Variants in NOTCH3 observed in about 807,000 individuals in gnomAD.
The protein encoded by NOTCH3 is notch receptor 3, also known as neurogenic locus notch homolog protein 3.
NOTCH3 carries 86 observed loss-of-function variants against 213.3 expected under a neutral mutation model. The ratio of observed to expected loss-of-function variants is 0.40; its 90% CI spans 0.34 to 0.48. The LOEUF is 0.48. NOTCH3 is among the 20% of genes least tolerant of loss of function. The pLI is 0.57. For missense variants in NOTCH3, 2,783 were observed against 3,272.6 expected (o/e 0.85, Z 3.65); for synonymous variants, 1,354 against 1,355.9 (o/e 1.00, Z 0.03).
chr19:15,169,205 TC>T (rs1180254702), intron 28 of NOTCH3, among the ~76,000 whole-genome samples: 13 of 10,530 alleles, frequency 1.2e-3, no homozygotes, highest in Non-Finnish European at 0.01. Flanking sequence ...TCTCTCTCTC[TC>T]TCTCTCTCTC....
intron 28 of NOTCH3, 152 bp from the exon 29 acceptor site, chr19:15,167,563 T>TTTGA: frequency 1.7e-6 from 1 of 600,204 alleles, no homozygotes; most frequent in Non-Finnish European, 2.6e-6. Context: ...TGGTGTTTTA[T>TTTGA]TTGTTTTTGA....
chr19:15,195,453 C>G (rs2046962079), intron 2 of NOTCH3, among the ~76,000 whole-genome samples: 1 of 151,528 alleles, frequency 6.6e-6, no homozygotes, highest in Non-Finnish European at 1.5e-5. Flanking sequence ...CGCTGCCAAC[C>G]CTCACCCCCC....
Position 15,178,117 on chromosome 19 carries a change from G to A in NOTCH3, c.3838-27C>T, listed in dbSNP as rs549483448. 275 of 1,172,306 alleles carry A rather than the reference G, an allele frequency of 2.3e-4. 1 individual carries two copies. The Middle Eastern group carries it at 3.7e-3, about 16-fold the overall frequency. The allele number at this position is 1,172,306 out of a possible 1,614,324, so 72.6% of individuals were successfully genotyped here. ...TGGGGGTCGGGTTTGGGGAGGGAGG[G>A]ATAAAAATGAGGGTGGGGAGTGGAG... is the stretch of plus-strand genomic sequence containing the variant. On this transcript the variant is annotated intron_variant, in intron 23 of 32. Transcript: ENST00000263388.
rs71333358 is a variant in NOTCH3, at chr19:15,193,770, C to CAAAA, written c.198-1255_198-1252dup. Reference sequence around the variant, plus strand: ...TGGTTGACAGAGGGAGACTCCATCTCAAAAAAAAACAAAAAACAAAAAAAA... The same window carrying CAAAA: ...TGGTTGACAGAGGGAGACTCCATCTCAAAAAAAAAAAAACAAAAAACAAAAAAAA... On this transcript the variant is annotated intron_variant, in intron 2 of 32. Transcript: ENST00000263388. Among the ~76,000 whole-genome samples, 42 of 27,600 alleles carry CAAAA rather than the reference C, an allele frequency of 1.5e-3. 2 individuals carry two copies. The highest frequency in any genetic ancestry group is 7.2e-3 in the East Asian group (7 of 976). The allele number at this position is 27,600 out of a possible 152,430, so 18.1% of individuals were successfully genotyped here.
At chr19:15,193,236 T>G (rs2046943846) in intron 2 of NOTCH3, among the ~76,000 whole-genome samples, 1 of 151,650 alleles carries the variant, frequency 6.6e-6, no homozygotes, top group African/African-American at 2.4e-5. Context: ...TCTTTGCAGA[T>G]GTAATTTTTT....
intron 23 of NOTCH3, 29 bp from the exon 24 acceptor site, chr19:15,178,119 TA>T: frequency 7.0e-7 from 1 of 1,425,956 alleles, no homozygotes. Context: ...GAGGGAGGGA[TA>T]AAAATGAGGG....
Position 15,192,243 on chromosome 19 carries a change from G to A in NOTCH3, c.396C>T (p.Ala132=), listed in dbSNP as rs2046934793. 1 of 1,602,626 alleles carries A rather than the reference G, an allele frequency of 6.2e-7. No individual in the cohort carries two copies. The highest frequency in any genetic ancestry group is 8.5e-7 in the Non-Finnish European group (1 of 1,175,196). ...PCLSSPCAHG[A]RCSVGPDGRF... ...GTCCATCGGGCCCCACTGAGCAGCG[G>A]GCACCGTGGGCACAAGGGCTGCTGA... is the stretch of plus-strand genomic sequence containing the variant. The change falls in exon 4 of 33, where the codon GCC becomes GCT. Residue 132 remains alanine, a synonymous_variant. Coordinates refer to ENST00000263388, the MANE Select transcript of NOTCH3 (RefSeq NM_000435.3).
chr19:15,192,446 C>T lies in NOTCH3; in HGVS notation c.271G>A (p.Gly91Ser), dbSNP rs746148651. 4 of 1,612,492 alleles carry T rather than the reference C, an allele frequency of 2.5e-6. No individual in the cohort carries two copies. Among genetic ancestry groups the T allele is most frequent in the Non-Finnish European group, 3.4e-6 (4 of 1,179,900 alleles). ...PCHSGPCAGRGVCQSSVVAGT... is the reference protein window; with the variant it reads ...PCHSGPCAGRSVCQSSVVAGT... ...GCCACCACTGAACTCTGGCAGACAC[C>T]ACGGCCAGCACAGGGGCCTGAGTGA... Residue 91 changes from glycine to serine, a missense_variant, in exon 3 of 33, where the codon GGT (glycine) becomes AGT (serine). Physicochemically the swap from Gly to Ser is moderately conservative, Grantham distance 56. Coordinates refer to ENST00000263388, the MANE Select transcript of NOTCH3 (RefSeq NM_000435.3).
intron 3 of NOTCH3, 31 bp from the exon 4 acceptor site, chr19:15,192,329 A>G (rs1373589013): frequency 1.9e-6 from 3 of 1,612,134 alleles, no homozygotes; most frequent in Non-Finnish European, 2.5e-6. Context: ...TGAGTTTAGG[A>G]CTGACCACAC....
At position 15,173,748 on chromosome 19, in the gene NOTCH3, AAGAAGGAGAAGGAGAAGG is replaced by A. The variant is rs1193187942; in HGVS notation, c.4736+302_4736+319del. ...TCAAAAAAAAAAAAAAAAAGAAAAG[AAGAAGGAGAAGGAGAAGG>A]AGAAGGAGAAGGAGAAGGAGAAGAA... On this transcript the variant is annotated intron_variant, in intron 25 of 32. Coordinates refer to ENST00000263388, the MANE Select transcript of NOTCH3 (RefSeq NM_000435.3). 1.3e-3 allele frequency among the ~76,000 whole-genome samples: 7 copies of A among 5,512 alleles called. No homozygotes were observed. In the African/African-American group the frequency reaches 0.015, roughly 12 times the overall value. The allele number at this position is 5,512 out of a possible 152,430, so 3.6% of individuals were successfully genotyped here.
chr19:15,185,827 C>T lies in NOTCH3; in HGVS notation c.1952-148G>A, dbSNP rs1032136330. Reference sequence around the variant, plus strand: ...CAGCTCTTGTGCAGATTAGGACACCCGCCTCCTCAACCAAGAGCTGACTTG... The same window carrying T: ...CAGCTCTTGTGCAGATTAGGACACCTGCCTCCTCAACCAAGAGCTGACTTG... On this transcript the variant is annotated intron_variant, in intron 12 of 32. Transcript: ENST00000263388. The surrounding 1 kb of genome is among the most constrained non-coding windows in gnomAD (Gnocchi z 4.2). 2.2e-5 allele frequency: 17 copies of T among 771,806 alleles called. No homozygotes were observed. Among genetic ancestry groups the T allele is most frequent in the Non-Finnish European group, 3.5e-5 (16 of 453,412 alleles). The allele number at this position is 771,806 out of a possible 1,614,324, so 47.8% of individuals were successfully genotyped here.
intron 28 of NOTCH3, among the ~76,000 whole-genome samples, chr19:15,168,473 G>C (rs1191310769): frequency 1.3e-5 from 2 of 152,112 alleles, no homozygotes; most frequent in Non-Finnish European, 1.5e-5. Context: ...ATGTGCATTA[G>C]AGACATTCAG....
At position 15,187,353 on chromosome 19, in the gene NOTCH3, G is replaced by A; in HGVS notation, c.1607-15C>T. On this transcript the variant is annotated splice_polypyrimidine_tract_variant and intron_variant, in intron 10 of 32. Transcript: ENST00000263388. ...GCCCTCAAAGCCTGTGGGGCCAAGA[G>A]GGTCAGGCTCCGCCCACTTGCCAGG... 3.1e-6 allele frequency: 5 copies of A among 1,609,658 alleles called. No individual in the cohort carries two copies. Among genetic ancestry groups the A allele is most frequent in the Non-Finnish European group, 4.2e-6 (5 of 1,177,846 alleles).
chr19:15,177,404 G>T, intron 24 of NOTCH3, 121 bp downstream of exon 24: 2 of 848,316 alleles, frequency 2.4e-6, no homozygotes, highest in Non-Finnish European at 3.9e-6. Context: ...TGGGCAGATA[G>T]AGTGCACAGA....
chr19:15,192,855 C>G (rs1301308296), intron 2 of NOTCH3, among the ~76,000 whole-genome samples: 1 of 152,132 alleles, frequency 6.6e-6, no homozygotes, highest in Non-Finnish European at 1.5e-5. Context: ...GTGGAGGTTG[C>G]AGTGAGCCAA....
chr19:15,165,579 C>T lies in NOTCH3; in HGVS notation c.5668-64G>A. On this transcript the variant is annotated intron_variant, in intron 30 of 32. Transcript: ENST00000263388. This position sits in a 1 kb window ranked among gnomAD's most constrained non-coding sequence, Gnocchi z 4.7. The stretch of plus-strand genomic sequence containing the variant: ...AGGAACAGAGGAATCAGGAGCACCC[C>T]TAAGTCCCATGAAGTCCCCAACCCC... The T allele has an allele frequency of 1.3e-6, 2 of 1,576,450 alleles. No homozygotes were observed. Among genetic ancestry groups the T allele is most frequent in the Non-Finnish European group, 1.7e-6 (2 of 1,163,812 alleles).
intron 6 of NOTCH3, 102 bp downstream of exon 6, chr19:15,191,322 T>C (rs780716181): frequency 3.7e-6 from 4 of 1,089,542 alleles, no homozygotes; most frequent in African/African-American, 1.5e-5. Context: ...CATGAGCCAC[T>C]GTGCCCAGCC....
rs1317994194 is a variant in NOTCH3, at chr19:15,187,276, C to A, written c.1669G>T (p.Gly557Cys). 1 of 1,614,114 alleles carries A rather than the reference C, an allele frequency of 6.2e-7. No homozygotes were observed. The highest frequency in any genetic ancestry group is 1.1e-5 in the South Asian group (1 of 91,092). ...DDCSPDPCHH[G>C]RCVDGIASFS... Reference sequence around the variant, plus strand: ...CTGGCGATGCCATCCACGCAGCGACCATGGTGGCATGGGTCAGGGGAGCAG... The same window carrying A: ...CTGGCGATGCCATCCACGCAGCGACAATGGTGGCATGGGTCAGGGGAGCAG... Residue 557 changes from glycine (G) to cysteine (C), a missense_variant, in exon 11 of 33, where the codon GGT becomes TGT. Physicochemically the swap from Gly to Cys is radical, Grantham distance 159 (BLOSUM62 -3). Coordinates refer to ENST00000263388, the MANE Select transcript of NOTCH3 (RefSeq NM_000435.3).
intron 29 of NOTCH3, 70 bp from the exon 30 acceptor site, chr19:15,166,161 A>G (rs2145392961): frequency 7.2e-7 from 1 of 1,386,642 alleles, no homozygotes; most frequent in African/African-American, 1.4e-5. Context: ...TATCAAGGGT[A>G]CCCCATTAGG....
Sources: allele counts gnomAD v4.1 joint callset (sites outside exome capture counted in the v4.1 genomes callset), GRCh38; gene constraint gnomAD v4.1.1; non-coding constraint Gnocchi (gnomAD v3.1); transcripts MANE v1.5; gene names NCBI Gene and HGNC (gene_info 2026-07-23, HGNC 2026-07-21).